The following NRG1 variants were observed in gnomAD, a reference collection of about 807,000 sequenced individuals.
NRG1 encodes the protein neuregulin 1.
In NRG1, 18 loss-of-function variants were observed where a neutral mutation model predicts 63.8. The observed-to-expected ratio is 0.28, with a 90% CI of 0.19 to 0.42. The LOEUF is 0.42. NRG1 is among the 10% of genes least tolerant of loss of function. The pLI is 1.00. For missense variants in NRG1, 762 were observed against 814.7 expected (o/e 0.94, Z 0.79); for synonymous variants, 302 against 301.3 (o/e 1.00, Z -0.02).
intron 1 of NRG1, among the ~76,000 whole-genome samples, chr8:31,950,698 TCC>T (rs1348445270): frequency 1.4e-4 from 21 of 152,178 alleles, no homozygotes; most frequent in Non-Finnish European, 7.3e-5. Context: ...ATCTCTATCA[TCC>T]TGTGTAAGCT....
chr8:32,109,454 G>C (rs926457038), intron 1 of NRG1, among the ~76,000 whole-genome samples: 2 of 152,294 alleles, frequency 1.3e-5, no homozygotes, highest in Non-Finnish European at 2.9e-5. Context: ...TTCAGACCCA[G>C]CATCACTCAG....
intron 1 of NRG1, among the ~76,000 whole-genome samples, chr8:31,991,835 C>G (rs116326715): frequency 6.6e-6 from 1 of 151,962 alleles, no homozygotes; most frequent in African/African-American, 2.4e-5. Context: ...TATTTACCTG[C>G]AATACACTAT....
chr8:32,239,452 T>C (rs965806452), intron 1 of NRG1, among the ~76,000 whole-genome samples: 1 of 151,848 alleles, frequency 6.6e-6, no homozygotes, highest in Non-Finnish European at 1.5e-5. Flanking sequence ...GATGAGGACC[T>C]AAAGCTAGGT....
chr8:32,263,752 C>T (rs893452903), intron 1 of NRG1, among the ~76,000 whole-genome samples: 5 of 152,110 alleles, frequency 3.3e-5, no homozygotes, highest in African/African-American at 1.2e-4. Flanking sequence ...ATATAAATCC[C>T]CACACTGTCA....
At chr8:32,105,676 G>A (rs559357197) in intron 1 of NRG1, among the ~76,000 whole-genome samples, 1 of 152,234 alleles carries the variant, frequency 6.6e-6, no homozygotes, top group Non-Finnish European at 1.5e-5. Context: ...TAAAATGGCA[G>A]TCAAGCCTAT....
intron 1 of NRG1, among the ~76,000 whole-genome samples, chr8:32,089,253 G>A (rs552908415): frequency 6.6e-6 from 1 of 152,180 alleles, no homozygotes; most frequent in South Asian, 2.1e-4. Context: ...CATCTTGGGT[G>A]TGTGTTTTGC....
chr8:31,728,922 A>G (rs1049419022), intron 1 of NRG1, among the ~76,000 whole-genome samples: 1 of 152,172 alleles, frequency 6.6e-6, no homozygotes, highest in Non-Finnish European at 1.5e-5. Flanking sequence ...AGCCAAAGAG[A>G]ACAGGAAAGA....
chr8:31,898,498 A>T (rs1255655767), intron 1 of NRG1, among the ~76,000 whole-genome samples: 1 of 152,146 alleles, frequency 6.6e-6, no homozygotes, highest in East Asian at 1.9e-4. Flanking sequence ...AGATTTTCTT[A>T]TTCCAAAATG....
intron 1 of NRG1, among the ~76,000 whole-genome samples, chr8:31,972,246 G>T (rs185718441): frequency 2.0e-5 from 3 of 151,950 alleles, no homozygotes; most frequent in African/African-American, 7.3e-5. Context: ...TGCCTCCCTC[G>T]ACAGCCACAA....
At chr8:32,238,464 T>A (rs1431111130) in intron 1 of NRG1, among the ~76,000 whole-genome samples, 1 of 151,832 alleles carries the variant, frequency 6.6e-6, no homozygotes, top group African/African-American at 2.4e-5. Context: ...AAAAAAACCT[T>A]TAGGAAGGAT....
chr8:32,329,825 A>G (rs1157161523), intron 1 of NRG1, among the ~76,000 whole-genome samples: 2 of 151,984 alleles, frequency 1.3e-5, no homozygotes, highest in African/African-American at 4.8e-5. Flanking sequence ...ACTACGTGAT[A>G]TAGAGCAAAA....
downstream of NRG1, among the ~76,000 whole-genome samples, chr8:32,771,482 C>T (rs1030022708): frequency 4.6e-5 from 7 of 150,704 alleles, no homozygotes; most frequent in Non-Finnish European, 7.4e-5. Context: ...GCAGCCATAC[C>T]ATTTCATGTT....
intron 1 of NRG1, among the ~76,000 whole-genome samples, chr8:32,232,873 T>G (rs1000068011): frequency 2.0e-5 from 3 of 152,174 alleles, no homozygotes; most frequent in Admixed American, 1.3e-4. Context: ...AAAACTGTTA[T>G]CTATTCTCTT....
chr8:31,733,796 C>A (rs764500375), intron 1 of NRG1, among the ~76,000 whole-genome samples: 10 of 152,040 alleles, frequency 6.6e-5, no homozygotes, highest in Non-Finnish European at 1.3e-4. Context: ...ACCTCTCTGC[C>A]CCCCCGCCCA....
intron 5 of NRG1, among the ~76,000 whole-genome samples, chr8:32,711,508 C>T (rs1317191797): frequency 1.3e-5 from 2 of 152,038 alleles, no homozygotes; most frequent in Non-Finnish European, 2.9e-5. Flanking sequence ...ACCTACTGGT[C>T]GTGGTAAAAA....
At chr8:31,654,944 A>G (rs1193090538) in intron 1 of NRG1, among the ~76,000 whole-genome samples, 1 of 152,182 alleles carries the variant, frequency 6.6e-6, no homozygotes, top group Non-Finnish European at 1.5e-5. Flanking sequence ...TGTCTTTAAA[A>G]ATAAAAAATA....
chr8:32,197,996 A>G (rs1344386231), intron 1 of NRG1, among the ~76,000 whole-genome samples: 1 of 152,072 alleles, frequency 6.6e-6, no homozygotes, highest in East Asian at 1.9e-4. Flanking sequence ...ACACACACAC[A>G]CCATCCAGGA....
chr8:32,337,262 C>T (rs1305907199), intron 1 of NRG1, among the ~76,000 whole-genome samples: 1 of 152,094 alleles, frequency 6.6e-6, no homozygotes, highest in Non-Finnish European at 1.5e-5. Flanking sequence ...CCTCCTGCCT[C>T]AGCTTCTCAA....
chr8:32,652,444 C>G (rs909139617), intron 5 of NRG1, among the ~76,000 whole-genome samples: 6 of 151,936 alleles, frequency 3.9e-5, no homozygotes, highest in Non-Finnish European at 7.4e-5. Flanking sequence ...ATTTTGTTTT[C>G]TCCTCTCTAT....
Sources: gnomAD v4.1 joint callset for allele counts (sites outside exome capture counted in the v4.1 genomes callset) on GRCh38, gnomAD v4.1.1 for gene constraint, MANE v1.5 for transcripts, NCBI Gene and HGNC (gene_info 2026-07-23, HGNC 2026-07-21) for gene names.